The following FOXM1 variants were observed in gnomAD, a reference collection of about 807,000 sequenced individuals.
FOXM1 encodes forkhead box protein M1.
FOXM1 carries 25 observed loss-of-function variants against 63.6 expected under a neutral mutation model. The ratio of observed to expected loss-of-function variants is 0.39; its 90% CI spans 0.29 to 0.55. FOXM1 has a LOEUF of 0.55. Ranked by LOEUF, FOXM1 falls within the 20% of genes least tolerant of loss-of-function variation. FOXM1 has a pLI of 0.60. For missense variants in FOXM1, 879 were observed against 958.7 expected (o/e 0.92, Z 1.10); for synonymous variants, 387 against 376.9 (o/e 1.03, Z -0.31).
chr12:2,862,504 T>C (rs58640225), intron 8 of FOXM1, among the ~76,000 whole-genome samples: 6,432 of 152,134 alleles, frequency 0.042, 471 homozygotes, highest in African/African-American at 0.15. Context: ...TGGTATAATT[T>C]TGTGTGTAAT....
intron 4 of FOXM1, 132 bp from the exon 5 acceptor site, chr12:2,866,653 G>T: frequency 2.2e-6 from 2 of 897,402 alleles, no homozygotes; most frequent in Non-Finnish European, 3.1e-6. Flanking sequence ...TGTCTTTGCA[G>T]CCCTCTTGGC....
rs140831441 is a variant in FOXM1 at position 2,865,370 on chromosome 12, G to A, written c.1005C>T (p.Pro335=). The part of the protein sequence containing the change: ...KPLDPGSPQL[P]EHLESQQKRP... Reference sequence around the variant, plus strand: ...AGAACCTTACTGATTCCAAGTGCTCGGGCAATTGTGGAGACCCTGGGTCCA... The same window carrying A: ...AGAACCTTACTGATTCCAAGTGCTCAGGCAATTGTGGAGACCCTGGGTCCA... The change falls in exon 6 of 9, where the codon CCC becomes CCT. Residue 335 remains proline, a synonymous_variant. Transcript: ENST00000359843. 1.0e-3 allele frequency: 1,625 copies of A among 1,610,986 alleles called. 2 individuals carry two copies. Among genetic ancestry groups the A allele is most frequent in the Non-Finnish European group, 1.2e-3 (1,447 of 1,178,334 alleles).
rs753294420 is a variant in FOXM1 at position 2,872,048 on chromosome 12, T to A, written c.654+48A>T. On this transcript the variant is annotated intron_variant, in intron 3 of 8. Coordinates refer to ENST00000359843, the MANE Select transcript of FOXM1 (RefSeq NM_021953.4). This position sits in a 1 kb window ranked among gnomAD's most constrained non-coding sequence, Gnocchi z 4.0. ...CTTGATCCATTTCCCTACCTAGGAATTCCCTACACTGGATCTGATTTCTTT... is the reference window on the plus strand; with the variant it reads ...CTTGATCCATTTCCCTACCTAGGAAATCCCTACACTGGATCTGATTTCTTT... The A allele has an allele frequency of 1.9e-6, 3 of 1,604,394 alleles. No homozygotes were observed. The African/African-American group carries it at 4.0e-5, about 21-fold the overall frequency.
At position 2,865,349 on chromosome 12, in the gene FOXM1, C is replaced by A. The variant is rs773638430; in HGVS notation, c.1020+6G>T. Reference sequence around the variant, plus strand: ...CAAGCCCCGAGCCAGAGGGAAAGAACCTTACTGATTCCAAGTGCTCGGGCA... The same window carrying A: ...CAAGCCCCGAGCCAGAGGGAAAGAAACTTACTGATTCCAAGTGCTCGGGCA... On this transcript the variant is annotated splice_donor_region_variant and intron_variant, in intron 6 of 8. Coordinates refer to ENST00000359843, the MANE Select transcript of FOXM1 (RefSeq NM_021953.4). 4.3e-6 allele frequency: 7 copies of A among 1,610,098 alleles called. No homozygotes were observed. Among genetic ancestry groups the A allele is most frequent in the Non-Finnish European group, 5.9e-6 (7 of 1,177,856 alleles).
intron 2 of FOXM1, 38 bp downstream of exon 2, chr12:2,873,939 C>G (rs1357310329): frequency 1.3e-5 from 21 of 1,578,242 alleles, no homozygotes; most frequent in Non-Finnish European, 1.7e-5. Context: ...AGAGGAAAGG[C>G]TGGGCTCCCT....
intron 8 of FOXM1, among the ~76,000 whole-genome samples, chr12:2,862,110 C>T (rs1270638331): frequency 5.4e-5 from 8 of 148,286 alleles, no homozygotes; most frequent in East Asian, 2.0e-4. Flanking sequence ...ACCCAGGAGG[C>T]GGAGGTTGCA....
Position 2,859,415 on chromosome 12 carries a change from C to A in FOXM1, c.1515G>T (p.Ser505=). The part of the protein sequence containing the change: ...KEESSHSWED[S]SQSPTPRPKK... Reference sequence around the variant, plus strand: ...TGGGTCTTGGGGTGGGAGATTGGGACGAATCCTCCCAGGAGTGAGATGATT... The same window carrying A: ...TGGGTCTTGGGGTGGGAGATTGGGAAGAATCCTCCCAGGAGTGAGATGATT... The change falls in exon 9 of 9, where the codon TCG becomes TCT. Residue 505 remains serine (S), a synonymous_variant. Coordinates refer to ENST00000359843, the MANE Select transcript of FOXM1 (RefSeq NM_021953.4). The A allele has an allele frequency of 6.2e-7, 1 of 1,613,918 alleles. No homozygotes were observed. Among genetic ancestry groups the A allele is most frequent in the South Asian group, 1.1e-5 (1 of 91,072 alleles).
rs1352428719 is a variant in FOXM1 at position 2,859,114 on chromosome 12, G to C, written c.1816C>G (p.Leu606Val). The C allele has an allele frequency of 6.2e-7, 1 of 1,605,886 alleles. No individual in the cohort carries two copies. The highest frequency in any genetic ancestry group is 8.5e-7 in the Non-Finnish European group (1 of 1,177,080). ...TTGCTCGGGGTGGAGGAGATGGGCAGCGTTTCCTTAATGGGTGTCTTAAAA... is the reference window on the plus strand; with the variant it reads ...TTGCTCGGGGTGGAGGAGATGGGCACCGTTTCCTTAATGGGTGTCTTAAAA... Reference protein sequence around the residue: ...GPFKTPIKETLPISSTPSKSV... With the variant: ...GPFKTPIKETVPISSTPSKSV... Residue 606 changes from leucine to valine, a missense_variant, in exon 9 of 9, where the codon CTG becomes GTG. Transcript: ENST00000359843.
chr12:2,861,429 T>C, intron 8 of FOXM1: 1 of 584,310 alleles, frequency 1.7e-6, no homozygotes, highest in East Asian at 3.1e-5. Context: ...AAATAAAAAA[T>C]TTAAAAATAA....
rs187360510 is a variant in FOXM1 at position 2,861,654 on chromosome 12, G to A, written c.1267-1991C>T. ...TTCTCACCCAACAATCTCACATCTG[G>A]GACTCTATCCTAGAGAAATGAAAGC... On this transcript the variant is annotated intron_variant, in intron 8 of 8. Transcript: ENST00000359843. Among the ~76,000 whole-genome samples, 635 of 152,130 alleles carry A rather than the reference G, an allele frequency of 4.2e-3. 5 individuals carry two copies. Among genetic ancestry groups the A allele is most frequent in the Non-Finnish European group, 6.5e-3 (439 of 68,002 alleles).
rs11548397 is a variant in FOXM1, at chr12:2,864,329, A to G, written c.1257T>C (p.Ile419=). 15,973 of 1,611,504 alleles carry G rather than the reference A, an allele frequency of 9.9e-3. 1,278 individuals carry two copies. The African/African-American group carries it at 0.18, about 18-fold the overall frequency. ...AAAATAGGACACCCACCTTGGGGGC[A>G]ATGCGGACTCGCTTGCTATGGCGGG... ...ELARHSKRVR[I]APKVLLAEEG... is the part of the protein sequence containing the mutation. The change falls in exon 8 of 9, where the codon ATT becomes ATC. Residue 419 remains isoleucine, a synonymous_variant. Transcript: ENST00000359843. The surrounding 1 kb of genome is among the most constrained non-coding windows in gnomAD (Gnocchi z 5.1).
rs911762663 is a variant in FOXM1, at chr12:2,874,039, G to T, written c.440C>A (p.Ala147Asp). 1 of 1,613,966 alleles carries T rather than the reference G, an allele frequency of 6.2e-7. No individual in the cohort carries two copies. The highest frequency in any genetic ancestry group is 1.3e-5 in the African/African-American group (1 of 74,882). ...TLETLGPKPA[A>D]RDVNLPRPPG... is the part of the protein sequence containing the mutation. Reference sequence around the variant, plus strand: ...TGGTCTAGGAAGATTCACATCCCTAGCTGCAGGTTTTGGTCCCAAGGTCTC... The same window carrying T: ...TGGTCTAGGAAGATTCACATCCCTATCTGCAGGTTTTGGTCCCAAGGTCTC... The change falls in exon 2 of 9, where the codon GCT becomes GAT. Residue 147 changes from alanine to aspartate, a missense_variant. Ala to Asp is a moderately radical substitution (Grantham distance 126). Coordinates refer to ENST00000359843, the MANE Select transcript of FOXM1 (RefSeq NM_021953.4). The surrounding 1 kb of genome is among the most constrained non-coding windows in gnomAD (Gnocchi z 4.3).
intron 4 of FOXM1, among the ~76,000 whole-genome samples, chr12:2,866,881 G>A (rs1027375841): frequency 1.3e-5 from 2 of 152,218 alleles, no homozygotes; most frequent in South Asian, 4.1e-4. Context: ...GGCCCGGCGT[G>A]GTGGCTCACG....
chr12:2,861,956 G>A (rs1036444397), intron 8 of FOXM1, among the ~76,000 whole-genome samples: 1 of 152,086 alleles, frequency 6.6e-6, no homozygotes, highest in Admixed American at 6.6e-5. Context: ...CAAGGCAGGC[G>A]GATCATGAGG....
chr12:2,872,861 G>A lies in FOXM1; in HGVS notation c.503-614C>T, dbSNP rs1413849513. Among the ~76,000 whole-genome samples, 1 of 152,006 alleles carries A rather than the reference G, an allele frequency of 6.6e-6. No individual in the cohort carries two copies. Among genetic ancestry groups the A allele is most frequent in the Non-Finnish European group, 1.5e-5 (1 of 68,008 alleles). Reference sequence around the variant, plus strand: ...CACCAAAAAAGTCACTTTTCAGCCTGGGCAATATAGTGGGACCCCATCTCT... The same window carrying A: ...CACCAAAAAAGTCACTTTTCAGCCTAGGCAATATAGTGGGACCCCATCTCT... On this transcript the variant is annotated intron_variant, in intron 2 of 8. Coordinates refer to ENST00000359843, the MANE Select transcript of FOXM1 (RefSeq NM_021953.4). This position sits in a 1 kb window ranked among gnomAD's most constrained non-coding sequence, Gnocchi z 4.0.
chr12:2,870,269 C>A (rs901106122), intron 3 of FOXM1, among the ~76,000 whole-genome samples: 1 of 152,164 alleles, frequency 6.6e-6, no homozygotes, highest in Non-Finnish European at 1.5e-5. Context: ...AGTTATCGCG[C>A]CTGGCCAAAT....
chr12:2,864,695 G>T lies in FOXM1; in HGVS notation c.1078C>A (p.Pro360Thr), dbSNP rs552495230. 18 of 1,614,170 alleles carry T rather than the reference G, an allele frequency of 1.1e-5. No homozygotes were observed. Among genetic ancestry groups the T allele is most frequent in the Non-Finnish European group, 1.4e-5 (17 of 1,180,026 alleles). Residue 360 changes from proline (P) to threonine (T), a missense_variant, in exon 7 of 9, where the codon CCC (proline) becomes ACC (threonine). Physicochemically the swap from Pro to Thr is conservative, Grantham distance 38. This residue lies in a region of FOXM1 where 76 missense variants were observed against 94.5 expected (regional missense o/e 0.80). Coordinates refer to ENST00000359843, the MANE Select transcript of FOXM1 (RefSeq NM_021953.4). The surrounding 1 kb of genome is among the most constrained non-coding windows in gnomAD (Gnocchi z 5.1). ...RRNMTIKTEL[P>T]LGARRKMKPL... ...CTCCCATACTAACGTGCGCCCAGGG[G>T]GAGTTCGGTTTTGATGGTCATGTTC...
Position 2,864,501 on chromosome 12 carries a change from A to G in FOXM1, c.1091-6T>C. On this transcript the variant is annotated splice_polypyrimidine_tract_variant and splice_region_variant and intron_variant, in intron 7 of 8. Coordinates refer to ENST00000359843, the MANE Select transcript of FOXM1 (RefSeq NM_021953.4). This position sits in a 1 kb window ranked among gnomAD's most constrained non-coding sequence, Gnocchi z 5.1. ...CAGTGGCTTCATCTTCCGCCCTAGG[A>G]GGAAACACGAGAGATCAGGAGCAGG... 2.5e-6 allele frequency: 4 copies of G among 1,608,410 alleles called. No homozygotes were observed. Among genetic ancestry groups the G allele is most frequent in the Non-Finnish European group, 3.4e-6 (4 of 1,175,608 alleles).
chr12:2,875,995 A>T (rs1271568236), intron 1 of FOXM1, among the ~76,000 whole-genome samples: 2 of 151,038 alleles, frequency 1.3e-5, no homozygotes, highest in Admixed American at 1.3e-4. Flanking sequence ...TGAACTCCTC[A>T]GGTGATCCAC....
Sources: gnomAD v4.1 joint callset for allele counts (sites outside exome capture counted in the v4.1 genomes callset) on GRCh38, gnomAD v4.1.1 for gene constraint, gnomAD v4.1.1 regional missense constraint, Gnocchi (gnomAD v3.1) non-coding constraint, MANE v1.5 for transcripts, NCBI Gene and HGNC (gene_info 2026-07-23, HGNC 2026-07-21) for gene names.